Variants in STXBP5L observed in about 807,000 individuals in gnomAD.
The protein encoded by STXBP5L is syntaxin-binding protein 5-like.
In STXBP5L, 65 loss-of-function variants were observed where a neutral mutation model predicts 144.5. That is an observed-to-expected ratio of 0.45 (90% CI 0.37 to 0.55). STXBP5L has a LOEUF of 0.55. Ranked by LOEUF, STXBP5L falls within the 20% of genes least tolerant of loss-of-function variation. The pLI, the probability that STXBP5L is intolerant of heterozygous loss-of-function variation, is 0.00. For missense variants in STXBP5L, 1,298 were observed against 1,405.5 expected (o/e 0.92, Z 1.22); for synonymous variants, 505 against 469.6 (o/e 1.08, Z -0.97).
At chr3:121,414,839 G>A (rs1576378599) in intron 24 of STXBP5L, among the ~76,000 whole-genome samples, 2 of 152,198 alleles carry the variant, frequency 1.3e-5, no homozygotes, top group East Asian at 3.8e-4. Context: ...AAATATTCTG[G>A]TTATAGTATG....
chr3:120,964,740 A>G (rs1939340402), intron 3 of STXBP5L, among the ~76,000 whole-genome samples: 1 of 152,142 alleles, frequency 6.6e-6, no homozygotes, highest in Admixed American at 6.6e-5. Flanking sequence ...AAAAGAATGT[A>G]TATTCTGTTG....
chr3:121,106,523 G>A (rs901336679), intron 5 of STXBP5L, among the ~76,000 whole-genome samples: 1 of 152,148 alleles, frequency 6.6e-6, no homozygotes, highest in African/African-American at 2.4e-5. Context: ...GTGTTAGTTT[G>A]CTGAGGATAA....
At chr3:121,191,533 G>T (rs2047683651) in intron 9 of STXBP5L, among the ~76,000 whole-genome samples, 3 of 152,072 alleles carry the variant, frequency 2.0e-5, no homozygotes, top group Admixed American at 6.5e-5. Flanking sequence ...ACTGTGCAAA[G>T]GGGAGAGGGA....
At chr3:121,119,026 A>G (rs183635928) in intron 6 of STXBP5L, among the ~76,000 whole-genome samples, 6 of 151,682 alleles carry the variant, frequency 4.0e-5, no homozygotes, top group Non-Finnish European at 7.4e-5. Flanking sequence ...CCAGATGAAC[A>G]GATGAAATTG....
intron 9 of STXBP5L, among the ~76,000 whole-genome samples, chr3:121,180,540 A>G (rs1448377604): frequency 3.9e-5 from 6 of 152,240 alleles, no homozygotes; most frequent in Non-Finnish European, 7.3e-5. Context: ...AAAAACAAAC[A>G]AACAATGTAT....
chr3:121,312,504 C>T (rs1365582701), intron 19 of STXBP5L, among the ~76,000 whole-genome samples: 1 of 89,226 alleles, frequency 1.1e-5, no homozygotes, highest in Non-Finnish European at 2.0e-5. Context: ...GTGTTTCTCG[C>T]AGAGGGGGAT....
chr3:121,372,755 A>G (rs2046071026), intron 20 of STXBP5L, among the ~76,000 whole-genome samples: 1 of 151,386 alleles, frequency 6.6e-6, no homozygotes, highest in Non-Finnish European at 1.5e-5. Context: ...TTGGTGGGAG[A>G]TGTTCCCCTG....
intron 2 of STXBP5L, among the ~76,000 whole-genome samples, chr3:120,916,670 T>G (rs755246530): frequency 1.5e-4 from 23 of 152,210 alleles, no homozygotes; most frequent in Non-Finnish European, 7.3e-5. Flanking sequence ...TATTTGGACA[T>G]GTAAATTTTA....
chr3:121,008,363 G>T (rs1944509150), intron 3 of STXBP5L, among the ~76,000 whole-genome samples: 1 of 151,868 alleles, frequency 6.6e-6, no homozygotes, highest in Admixed American at 6.6e-5. Flanking sequence ...ATATCCCCTT[G>T]TAGAAGCATT....
chr3:120,911,431 AC>A (rs1708836912), intron 2 of STXBP5L, among the ~76,000 whole-genome samples: 1 of 152,058 alleles, frequency 6.6e-6, no homozygotes, highest in Admixed American at 6.6e-5. Flanking sequence ...CTGCTAGTTG[AC>A]AGCCATATAC....
At chr3:121,090,768 T>A (rs888903923) in intron 5 of STXBP5L, among the ~76,000 whole-genome samples, 17 of 152,020 alleles carry the variant, frequency 1.1e-4, no homozygotes, top group Admixed American at 8.5e-4. Flanking sequence ...GTATGAATTT[T>A]TTTTATTTTT....
intron 5 of STXBP5L, among the ~76,000 whole-genome samples, chr3:121,087,799 CTTA>C (rs1292770970): frequency 1.3e-5 from 2 of 151,636 alleles, no homozygotes; most frequent in East Asian, 1.9e-4. Flanking sequence ...TCCATTTTGA[CTTA>C]TTATTAGTTA....
At chr3:120,963,130 C>G (rs573499535) in intron 3 of STXBP5L, among the ~76,000 whole-genome samples, 1 of 152,110 alleles carries the variant, frequency 6.6e-6, no homozygotes, top group African/African-American at 2.4e-5. Flanking sequence ...TATTTTGTAT[C>G]CTGAGACTTT....
At chr3:121,190,814 C>T (rs974619942) in intron 9 of STXBP5L, among the ~76,000 whole-genome samples, 2 of 151,458 alleles carry the variant, frequency 1.3e-5, no homozygotes, top group Admixed American at 6.6e-5. Context: ...GGGCTCCTCA[C>T]TTCTCAGACG....
intron 3 of STXBP5L, among the ~76,000 whole-genome samples, chr3:120,986,852 A>T (rs750410086): frequency 3.2e-4 from 49 of 151,998 alleles, no homozygotes; most frequent in Non-Finnish European, 6.2e-4. Flanking sequence ...CAGACAGAAG[A>T]ATCAGCAAAC....
intron 3 of STXBP5L, among the ~76,000 whole-genome samples, chr3:120,960,912 A>T (rs1353048484): frequency 6.6e-6 from 1 of 152,122 alleles, no homozygotes; most frequent in Non-Finnish European, 1.5e-5. Flanking sequence ...AGTATAATAA[A>T]AAAAAAAGGA....
chr3:121,098,100 T>A (rs530860228), intron 5 of STXBP5L, among the ~76,000 whole-genome samples: 1 of 152,210 alleles, frequency 6.6e-6, no homozygotes, highest in African/African-American at 2.4e-5. Flanking sequence ...GGTACTGATA[T>A]CAAGAAATGT....
At chr3:121,044,467 C>T (rs965417976) in intron 4 of STXBP5L, among the ~76,000 whole-genome samples, 1 of 152,106 alleles carries the variant, frequency 6.6e-6, no homozygotes, top group African/African-American at 2.4e-5. Context: ...GTGATTGATA[C>T]TGTAAACTAT....
intron 4 of STXBP5L, among the ~76,000 whole-genome samples, chr3:121,043,047 A>G (rs1296651704): frequency 6.6e-6 from 1 of 151,698 alleles, no homozygotes; most frequent in African/African-American, 2.4e-5. Context: ...ATCCTTTGAG[A>G]CTTGTCTTCC....
Sources: gnomAD v4.1 joint callset for allele counts (sites outside exome capture counted in the v4.1 genomes callset) on GRCh38, gnomAD v4.1.1 for gene constraint, MANE v1.5 for transcripts, NCBI Gene and HGNC (gene_info 2026-07-23, HGNC 2026-07-21) for gene names.